Variants in EYS observed in about 807,000 individuals in gnomAD.
EYS encodes the protein EGF-like photoreceptor maintenance factor, also known as protein eyes shut homolog.
In EYS, 250 loss-of-function variants were observed where a neutral mutation model predicts 282.1. The ratio of observed to expected loss-of-function variants is 0.89; its 90% CI spans 0.80 to 0.98. The LOEUF (loss-of-function observed/expected upper bound fraction) is 0.98, where lower values mean the gene tolerates loss of function less well. Ranked by LOEUF, EYS falls within the 50% of genes least tolerant of loss-of-function variation. EYS has a pLI of 0.00. For synonymous variants in EYS, 1,355 were observed against 1,282.9 expected, an observed-to-expected ratio of 1.06 and a Z score of -1.20; for missense variants, 4,016 against 3,709.0, an observed-to-expected ratio of 1.08 and a Z score of -2.15.
chr6:64,752,567 G>T (rs1484364920), intron 22 of EYS, among the ~76,000 whole-genome samples: 1 of 152,082 alleles, frequency 6.6e-6, no homozygotes, highest in East Asian at 1.9e-4. Flanking sequence ...GAGTAAAAAG[G>T]TTGGACTATC....
rs1324947263 is a variant in EYS at position 64,617,550 on chromosome 6, C to T, written c.3569-17G>A. Reference sequence around the variant, plus strand: ...CAGACCATCCTGTTCAACAAAATTACAAAGCAGATATGCAATTTTTAATGA... The same window carrying T: ...CAGACCATCCTGTTCAACAAAATTATAAAGCAGATATGCAATTTTTAATGA... On this transcript the variant is annotated splice_polypyrimidine_tract_variant and intron_variant, in intron 23 of 42. Coordinates refer to ENST00000503581, the MANE Select transcript of EYS (RefSeq NM_001142800.2). 1 of 1,411,380 alleles carries T rather than the reference C, an allele frequency of 7.1e-7. No homozygotes were observed. Among genetic ancestry groups the T allele is most frequent in the African/African-American group, 1.4e-5 (1 of 70,062 alleles). 87.4% of individuals were successfully genotyped at this position (1,411,380 alleles called of 1,614,324 possible). A position where few individuals can be genotyped will look rare whatever the true frequency, so the allele number is the denominator to read the frequency against.
At chr6:64,334,951 G>A (rs542200624) in intron 29 of EYS, among the ~76,000 whole-genome samples, 1 of 152,100 alleles carries the variant, frequency 6.6e-6, no homozygotes, top group African/African-American at 2.4e-5. Flanking sequence ...ATGCCTAATG[G>A]TTCCCTGTCT....
At chr6:65,361,426 G>A (rs192446879) in intron 8 of EYS, among the ~76,000 whole-genome samples, 96 of 151,732 alleles carry the variant, frequency 6.3e-4, no homozygotes, top group African/African-American at 2.3e-3. Flanking sequence ...TGACTTGTGA[G>A]GTGACTGACA....
intron 36 of EYS, among the ~76,000 whole-genome samples, chr6:63,820,740 T>A (rs983481644): frequency 6.6e-6 from 1 of 152,216 alleles, no homozygotes. Flanking sequence ...TCATCAATTG[T>A]ACTCTCATAT....
intron 29 of EYS, among the ~76,000 whole-genome samples, chr6:64,341,851 TCACC>T (rs1173609454): frequency 2.0e-5 from 3 of 151,554 alleles, no homozygotes; most frequent in Non-Finnish European, 4.4e-5. Context: ...AACAGAATGG[TCACC>T]ATGATACACT....
intron 2 of EYS, among the ~76,000 whole-genome samples, chr6:65,613,924 T>C (rs1228360292): frequency 6.6e-6 from 1 of 151,894 alleles, no homozygotes; most frequent in Non-Finnish European, 1.5e-5. Flanking sequence ...GATTATGAAA[T>C]AAAAGAGCCT....
chr6:64,626,412 A>G (rs568446753), intron 22 of EYS, among the ~76,000 whole-genome samples, 167 bp from the exon 23 acceptor site: 25 of 152,250 alleles, frequency 1.6e-4, no homozygotes, highest in Non-Finnish European at 3.4e-4. Flanking sequence ...CCAAAACAGT[A>G]TGTCTAATAC....
At chr6:65,268,453 TC>T (rs995269459) in intron 12 of EYS, among the ~76,000 whole-genome samples, 2 of 152,042 alleles carry the variant, frequency 1.3e-5, no homozygotes, top group African/African-American at 4.8e-5. Flanking sequence ...ATTTACATCC[TC>T]CCTTTTTCCC....
chr6:64,846,472 G>A (rs1348862931), intron 19 of EYS, among the ~76,000 whole-genome samples: 1 of 151,996 alleles, frequency 6.6e-6, no homozygotes, highest in Non-Finnish European at 1.5e-5. Context: ...AGAAAGAGGG[G>A]TGGAGAAAAA....
At chr6:64,033,811 T>A (rs936946177) in intron 33 of EYS, among the ~76,000 whole-genome samples, 2 of 148,006 alleles carry the variant, frequency 1.4e-5, no homozygotes, top group African/African-American at 5.1e-5. Flanking sequence ...AAAGTAATTC[T>A]GACACAAATG....
At chr6:64,616,161 T>C (rs1163688876) in intron 24 of EYS, among the ~76,000 whole-genome samples, 2 of 152,120 alleles carry the variant, frequency 1.3e-5, no homozygotes, top group Non-Finnish European at 2.9e-5. Context: ...TATCTAAGGC[T>C]GCACTGGCAG....
At chr6:64,660,594 C>T (rs1050018384) in intron 22 of EYS, among the ~76,000 whole-genome samples, 4 of 152,092 alleles carry the variant, frequency 2.6e-5, no homozygotes, top group Non-Finnish European at 4.4e-5. Context: ...ACTCCAATAA[C>T]AGACAGACAG....
At position 63,720,860 on chromosome 6, in the gene EYS, C is replaced by G. The variant is rs1385758718; in HGVS notation, c.9171G>C (p.Lys3057Asn). Reference sequence around the variant, plus strand: ...GAATTAGACTGTTATTTATGTAGGCCTTGATAAGAGTCTGATTTTGAATTA... The same window carrying G: ...GAATTAGACTGTTATTTATGTAGGCGTTGATAAGAGTCTGATTTTGAATTA... ...VVVIQNQTLI[K>N]AYINNSLILS... The change falls in exon 43 of 43, where the codon AAG becomes AAC. Residue 3057 changes from lysine (K) to asparagine (N), a missense_variant. Coordinates refer to ENST00000503581, the MANE Select transcript of EYS (RefSeq NM_001142800.2). The G allele has an allele frequency of 1.3e-6, 2 of 1,550,914 alleles. No homozygotes were observed. The highest frequency in any genetic ancestry group is 2.0e-5 in the Admixed American group (1 of 50,918).
chr6:64,635,897 G>A (rs1428981130), intron 22 of EYS, among the ~76,000 whole-genome samples: 2 of 152,152 alleles, frequency 1.3e-5, no homozygotes, highest in African/African-American at 4.8e-5. Context: ...CAGAAGGAAT[G>A]GTACCAGCTC....
intron 28 of EYS, among the ~76,000 whole-genome samples, chr6:64,417,049 G>A (rs1009421058): frequency 7.9e-5 from 12 of 152,048 alleles, no homozygotes; most frequent in African/African-American, 1.9e-4. Flanking sequence ...AACATTGTAC[G>A]GTACTGCAAT....
At chr6:64,688,796 G>A (rs551209103) in intron 22 of EYS, among the ~76,000 whole-genome samples, 18 of 152,178 alleles carry the variant, frequency 1.2e-4, no homozygotes, top group East Asian at 1.9e-4. Flanking sequence ...TTTCTGTCTC[G>A]TGGATATGTC....
chr6:64,551,582 G>T (rs1765084662), intron 26 of EYS, among the ~76,000 whole-genome samples: 1 of 148,986 alleles, frequency 6.7e-6, no homozygotes, highest in East Asian at 2.0e-4. Flanking sequence ...TGTTGCCCAG[G>T]CTAGAGTGCA....
intron 29 of EYS, among the ~76,000 whole-genome samples, chr6:64,342,293 A>G (rs187755552): frequency 3.3e-5 from 5 of 151,896 alleles, no homozygotes; most frequent in African/African-American, 9.6e-5. Context: ...AACCACCCAA[A>G]AATGTTAAGG....
chr6:64,906,016 C>A (rs1399757218), intron 16 of EYS, among the ~76,000 whole-genome samples: 1 of 151,092 alleles, frequency 6.6e-6, no homozygotes, highest in South Asian at 2.1e-4. Flanking sequence ...ATTAAATAAT[C>A]TAATTTCTCT....
Sources: gnomAD v4.1 joint callset for allele counts (sites outside exome capture counted in the v4.1 genomes callset) on GRCh38, gnomAD v4.1.1 for gene constraint, MANE v1.5 for transcripts, NCBI Gene and HGNC (gene_info 2026-07-23, HGNC 2026-07-21) for gene names.